The following MSN variants were observed in gnomAD, a reference collection of about 807,000 sequenced individuals.
MSN encodes epididymis luminal protein 70.
MSN carries 2 observed loss-of-function variants against 48.0 expected under a neutral mutation model. The ratio of observed to expected loss-of-function variants is 0.04; its 90% CI spans 0.02 to 0.13. The LOEUF (loss-of-function observed/expected upper bound fraction) is 0.13. Among genes scored for constraint, MSN ranks in the 10% least tolerant of loss-of-function variants. The pLI is 1.00. For synonymous variants in MSN, 146 were observed against 166.9 expected, an observed-to-expected ratio of 0.87 and a Z score of 0.97; for missense variants, 267 against 470.1, an observed-to-expected ratio of 0.57 and a Z score of 3.99.
intron 10 of MSN, among the ~76,000 whole-genome samples, chrX:65,738,000 G>A (rs2071695477): frequency 8.9e-6 from 1 of 112,306 alleles, no homozygotes; most frequent in South Asian, 3.7e-4. Context: ...GTTGGAGGTG[G>A]GAATAGAGGG....
At chrX:65,631,614 C>T (rs1162326961) in intron 1 of MSN, among the ~76,000 whole-genome samples, 4 of 111,109 alleles carry the variant, frequency 3.6e-5, no homozygotes, top group African/African-American at 9.8e-5. Flanking sequence ...ATTGATGCAC[C>T]GCAGCTTGTT....
At chrX:65,607,127 TGA>T (rs1247128546) in intron 1 of MSN, among the ~76,000 whole-genome samples, 1 of 112,151 alleles carries the variant, frequency 8.9e-6, no homozygotes, top group Non-Finnish European at 1.9e-5. Context: ...AATAACCCTG[TGA>T]GAGAGATATC....
Position 65,692,202 on chromosome X carries a change from G to C in MSN, c.12+24349G>C, listed in dbSNP as rs760182666. ...GCTTCTTTCTTCTTCATGCATGCCT[G>C]TTGCTCTCTAAGGTCAGGGATTTGA... On this transcript the variant is annotated intron_variant, in intron 1 of 12. Transcript: ENST00000360270. Among the ~76,000 whole-genome samples the C allele has an allele frequency of 1.2e-3, 137 of 112,613 alleles. 1 individual carries two copies. Among genetic ancestry groups the C allele is most frequent in the African/African-American group, 4.3e-3 (133 of 31,050 alleles).
In MSN at chrX:65,737,322, A is replaced by G; in HGVS notation, c.1235A>G (p.Lys412Arg). The G allele has an allele frequency of 8.3e-7, 1 of 1,210,187 alleles. No homozygotes were observed. Among genetic ancestry groups the G allele is most frequent in the Non-Finnish European group, 1.1e-6 (1 of 894,778 alleles). Reference sequence around the variant, plus strand: ...CTGCAGGCCTCCCGGGACCAGAAAAAGACTCAGGAACAGCTGGTAAAGCTG... The same window carrying G: ...CTGCAGGCCTCCCGGGACCAGAAAAGGACTCAGGAACAGCTGGTAAAGCTG... The part of the protein sequence containing the change: ...ALLQASRDQK[K>R]TQEQLALEMA... The change falls in exon 10 of 13, where the codon AAG (lysine) becomes AGG (arginine). Residue 412 changes from lysine to arginine, a missense_variant. By Grantham distance (26) the Lys-to-Arg change is conservative. Coordinates refer to ENST00000360270, the MANE Select transcript of MSN (RefSeq NM_002444.3).
intron 1 of MSN, among the ~76,000 whole-genome samples, chrX:65,642,121 C>T (rs1377798088): frequency 4.6e-5 from 3 of 64,630 alleles, no homozygotes; most frequent in East Asian, 5.1e-4. Flanking sequence ...GCAACAAGAG[C>T]GAAACTCCAT....
chrX:65,605,342 A>G (rs757902759), intron 1 of MSN, among the ~76,000 whole-genome samples: 1 of 111,784 alleles, frequency 8.9e-6, no homozygotes, highest in South Asian at 3.7e-4. Flanking sequence ...CATTCAGCCT[A>G]TCGGCAAGTC....
intron 1 of MSN, chrX:65,625,670 C>G (rs1298575309): frequency 9.0e-6 from 1 of 111,683 alleles, no homozygotes; most frequent in African/African-American, 3.2e-5. Flanking sequence ...TAAAGTGAGA[C>G]TGTTGTAGAC....
At chrX:65,681,908 A>G (rs1244432048) in intron 1 of MSN, among the ~76,000 whole-genome samples, 1 of 111,149 alleles carries the variant, frequency 9.0e-6, no homozygotes, top group African/African-American at 3.3e-5. Flanking sequence ...GTGCCCCTAC[A>G]GCCAGTTTTT....
chrX:65,686,055 A>G (rs1307997341), intron 1 of MSN, among the ~76,000 whole-genome samples: 1 of 112,968 alleles, frequency 8.9e-6, no homozygotes, highest in Non-Finnish European at 1.9e-5. Flanking sequence ...GTGGTAGGAA[A>G]GTGGAATTTT....
intron 1 of MSN, among the ~76,000 whole-genome samples, chrX:65,629,029 C>A (rs1335699993): frequency 9.4e-6 from 1 of 106,336 alleles, no homozygotes; most frequent in Non-Finnish European, 1.9e-5. Flanking sequence ...AAGATCATGC[C>A]ACTGCACTCC....
chrX:65,682,066 T>C (rs766798339), intron 1 of MSN, among the ~76,000 whole-genome samples: 1 of 111,878 alleles, frequency 8.9e-6, no homozygotes, highest in Non-Finnish European at 1.9e-5. Context: ...CTTAGCTCTT[T>C]AGTATAAAAT....
intron 1 of MSN, among the ~76,000 whole-genome samples, chrX:65,610,454 A>C (rs2070311569): frequency 8.9e-6 from 1 of 112,681 alleles, no homozygotes; most frequent in South Asian, 3.6e-4. Context: ...TTAACAAATG[A>C]ATAATATTCC....
chrX:65,590,417 G>C (rs917353982), intron 1 of MSN, among the ~76,000 whole-genome samples: 6 of 111,125 alleles, frequency 5.4e-5, no homozygotes, highest in African/African-American at 2.0e-4. Flanking sequence ...GTGGCTCTGG[G>C]TGCTTCTTGA....
In MSN at chrX:65,740,318, A is replaced by T; in HGVS notation, c.*425A>T. 5.4e-6 allele frequency: 1 copy of T among 183,628 alleles called. No individual in the cohort carries two copies. The highest frequency in any genetic ancestry group is 1.0e-5 in the Non-Finnish European group (1 of 97,109). The allele number at this position is 183,628 out of a possible 1,213,427, so 15.1% of individuals were successfully genotyped here. A position where few individuals can be genotyped will look rare whatever the true frequency, so the allele number is the denominator to read the frequency against. On this transcript the variant is annotated 3_prime_UTR_variant, in exon 13 of 13. Transcript: ENST00000360270. Reference sequence around the variant, plus strand: ...CTGAGATTTACACGGTTGGAGTGTTATGCGGTCTAGGGAATGAGACAGGAC... The same window carrying T: ...CTGAGATTTACACGGTTGGAGTGTTTTGCGGTCTAGGGAATGAGACAGGAC...
chrX:65,722,109 A>G (rs1192354720), intron 2 of MSN, among the ~76,000 whole-genome samples: 1 of 111,593 alleles, frequency 9.0e-6, no homozygotes, highest in Non-Finnish European at 1.9e-5. Flanking sequence ...CGATAAAAGA[A>G]AGAAACTTAG....
At chrX:65,672,089 G>C (rs2148385270) in intron 1 of MSN, among the ~76,000 whole-genome samples, 1 of 111,898 alleles carries the variant, frequency 8.9e-6, no homozygotes, top group Admixed American at 9.5e-5. Context: ...TCTGAACTCT[G>C]TTCTAGTGTT....
intron 2 of MSN, among the ~76,000 whole-genome samples, chrX:65,721,379 T>G (rs1207936458): frequency 1.8e-5 from 2 of 112,240 alleles, no homozygotes; most frequent in Admixed American, 1.9e-4. Context: ...GATTTAATCC[T>G]CAAATAAGTA....
At chrX:65,712,477 AAT>A (rs1227347796) in intron 1 of MSN, among the ~76,000 whole-genome samples, 1 of 110,900 alleles carries the variant, frequency 9.0e-6, no homozygotes, top group Non-Finnish European at 1.9e-5. Context: ...CATCTTTGGC[AAT>A]ACTATATCTA....
Position 65,626,859 on chromosome X carries a change from C to T in MSN, c.-22+38247C>T, listed in dbSNP as rs1031119592. Among the ~76,000 whole-genome samples the T allele has an allele frequency of 4.5e-5, 5 of 111,323 alleles. No individual in the cohort carries two copies. The Admixed American group carries it at 4.8e-4, about 11-fold the overall frequency. ...GTCTTTCAGGAAGCCCCTAGAGAGA[C>T]TAGAATGGACTTACACTATGATTTG... is the stretch of plus-strand genomic sequence containing the variant. On this transcript the variant is annotated intron_variant, in intron 1 of 3. Coordinates refer to the MSN transcript ENST00000609672.
Sources: gnomAD v4.1 joint callset for allele counts (sites outside exome capture counted in the v4.1 genomes callset) on GRCh38, gnomAD v4.1.1 for gene constraint, MANE v1.5 for transcripts, NCBI Gene and HGNC (gene_info 2026-07-23, HGNC 2026-07-21) for gene names.